The following CDH4 variants were observed in gnomAD, a reference collection of about 807,000 sequenced individuals.
The protein encoded by CDH4 is cadherin-4.
In CDH4, 33 loss-of-function variants were observed where a neutral mutation model predicts 86.0. The observed-to-expected ratio is 0.38, with a 90% CI of 0.29 to 0.51. The LOEUF is 0.51. CDH4 is among the 20% of genes least tolerant of loss of function. The pLI is 0.86. For synonymous variants in CDH4, 555 were observed against 549.4 expected, an observed-to-expected ratio of 1.01 and a Z score of -0.14; for missense variants, 1,114 against 1,307.4, an observed-to-expected ratio of 0.85 and a Z score of 2.28.
intron 2 of CDH4, among the ~76,000 whole-genome samples, chr20:61,368,195 G>C (rs1259752019): frequency 3.3e-5 from 5 of 152,090 alleles, no homozygotes; most frequent in Admixed American, 3.3e-4. Flanking sequence ...GATTACAACG[G>C]GAAAAAATAA....
chr20:61,779,264 G>T (rs979402298), intron 4 of CDH4, among the ~76,000 whole-genome samples: 9 of 152,212 alleles, frequency 5.9e-5, no homozygotes, highest in African/African-American at 1.9e-4. Flanking sequence ...GGGGGAACGT[G>T]GTGCTCCTGG....
intron 2 of CDH4, chr20:61,719,777 G>C (rs1465828188): frequency 1.3e-5 from 2 of 152,264 alleles, no homozygotes; most frequent in Non-Finnish European, 2.9e-5. Context: ...ACTTCCTTTT[G>C]TTCTTTCCTT....
chr20:61,594,918 A>C (rs920867583), intron 2 of CDH4, among the ~76,000 whole-genome samples: 1 of 152,108 alleles, frequency 6.6e-6, no homozygotes, highest in Non-Finnish European at 1.5e-5. Context: ...GTGGCCATTT[A>C]TTAGTTCTTC....
At chr20:61,656,915 A>G (rs1431003680) in intron 2 of CDH4, among the ~76,000 whole-genome samples, 2 of 152,168 alleles carry the variant, frequency 1.3e-5, no homozygotes, top group Non-Finnish European at 2.9e-5. Flanking sequence ...CTTCACAACC[A>G]TCAGCGCTCC....
chr20:61,627,981 C>T (rs1416738501), intron 2 of CDH4, among the ~76,000 whole-genome samples: 1 of 152,156 alleles, frequency 6.6e-6, no homozygotes, highest in Non-Finnish European at 1.5e-5. Context: ...GGTCTGCGCC[C>T]TACCTCCTCA....
intron 2 of CDH4, among the ~76,000 whole-genome samples, chr20:61,690,994 T>C (rs2087646613): frequency 6.6e-6 from 1 of 152,156 alleles, no homozygotes; most frequent in African/African-American, 2.4e-5. Flanking sequence ...GCCCAGCCCT[T>C]CCTGGGTCGA....
intron 2 of CDH4, among the ~76,000 whole-genome samples, chr20:61,471,533 TTTA>T (rs2085503502): frequency 6.6e-6 from 1 of 152,000 alleles, no homozygotes; most frequent in Admixed American, 6.6e-5. Context: ...TGTTCTGATT[TTTA>T]TTATTTCTTC....
At chr20:61,410,013 G>A (rs547709737) in intron 2 of CDH4, among the ~76,000 whole-genome samples, 46 of 152,332 alleles carry the variant, frequency 3.0e-4, no homozygotes, top group Admixed American at 1.5e-3. Context: ...GCCACAGGGT[G>A]TACAGTGCAG....
intron 2 of CDH4, chr20:61,718,131 G>T (rs924970909): frequency 7.8e-5 from 12 of 152,942 alleles, no homozygotes; most frequent in African/African-American, 2.7e-4. Context: ...CACCCACACT[G>T]TGGGGGTGGG....
intron 2 of CDH4, among the ~76,000 whole-genome samples, chr20:61,694,700 G>A (rs1019009472): frequency 2.0e-5 from 3 of 152,182 alleles, no homozygotes; most frequent in Admixed American, 1.3e-4. Flanking sequence ...ACACAGGGGT[G>A]TGAGGGTACC....
At chr20:61,850,915 C>T (rs1469529994) in intron 5 of CDH4, among the ~76,000 whole-genome samples, 3 of 152,252 alleles carry the variant, frequency 2.0e-5, no homozygotes, top group Admixed American at 6.5e-5. Flanking sequence ...GGTATTTCCT[C>T]GTTATCCGCA....
At chr20:61,301,727 AG>A (rs2084387330) in intron 2 of CDH4, among the ~76,000 whole-genome samples, 1 of 152,260 alleles carries the variant, frequency 6.6e-6, no homozygotes, top group Non-Finnish European at 1.5e-5. Context: ...GTGGGGAGAC[AG>A]GAAGCCTGAT....
intron 2 of CDH4, among the ~76,000 whole-genome samples, chr20:61,403,552 C>G (rs2085061945): frequency 6.6e-6 from 1 of 152,124 alleles, no homozygotes; most frequent in African/African-American, 2.4e-5. Flanking sequence ...TAACTCAAAT[C>G]AAATCATCGT....
At chr20:61,256,873 G>C (rs1241343982) in intron 2 of CDH4, among the ~76,000 whole-genome samples, 1 of 152,206 alleles carries the variant, frequency 6.6e-6, no homozygotes, top group Non-Finnish European at 1.5e-5. Context: ...TTCTGAAGGT[G>C]TAGAGTCTCA....
chr20:61,400,627 G>A (rs973406239), intron 2 of CDH4, among the ~76,000 whole-genome samples: 3 of 152,156 alleles, frequency 2.0e-5, no homozygotes, highest in Non-Finnish European at 4.4e-5. Context: ...CTGCACCATC[G>A]GGAACACATA....
chr20:61,628,293 A>G (rs985269292), intron 2 of CDH4, among the ~76,000 whole-genome samples: 5 of 151,488 alleles, frequency 3.3e-5, no homozygotes, highest in Non-Finnish European at 5.9e-5. Flanking sequence ...GGTTTTCCTC[A>G]CTGCCGCCCC....
chr20:61,798,197 C>T (rs1219572376), intron 4 of CDH4, among the ~76,000 whole-genome samples: 1 of 152,330 alleles, frequency 6.6e-6, no homozygotes, highest in African/African-American at 2.4e-5. Context: ...CGGCCCTGCC[C>T]CGGGCTCTGT....
intron 2 of CDH4, among the ~76,000 whole-genome samples, chr20:61,472,828 C>T (rs571442175): frequency 3.9e-5 from 6 of 152,246 alleles, no homozygotes; most frequent in South Asian, 2.1e-4. Flanking sequence ...TTTACACAGG[C>T]CTGCTTTTTA....
intron 4 of CDH4, among the ~76,000 whole-genome samples, chr20:61,801,585 A>C (rs1979832419): frequency 6.6e-6 from 1 of 152,124 alleles, no homozygotes; most frequent in Admixed American, 6.5e-5. Context: ...GTCAGAGGTT[A>C]GTTTCTGTGG....
Sources: allele counts gnomAD v4.1 joint callset (sites outside exome capture counted in the v4.1 genomes callset), GRCh38; gene constraint gnomAD v4.1.1; transcripts MANE v1.5; gene names NCBI Gene and HGNC (gene_info 2026-07-23, HGNC 2026-07-21).